Variants in GLI3 observed in about 807,000 individuals in gnomAD.
GLI3 encodes transcription activator GLI3.
Under a neutral mutation model 100.8 loss-of-function variants are expected in GLI3, and 20 were observed. The ratio of observed to expected loss-of-function variants is 0.20; its 90% CI spans 0.14 to 0.29. The LOEUF (loss-of-function observed/expected upper bound fraction) is 0.29. Ranked by LOEUF, GLI3 falls within the 10% of genes least tolerant of loss-of-function variation. GLI3 has a pLI of 1.00. For synonymous variants in GLI3, 938 were observed against 860.5 expected, an observed-to-expected ratio of 1.09 and a Z score of -1.58; for missense variants, 2,040 against 2,128.5, an observed-to-expected ratio of 0.96 and a Z score of 0.82.
intron 2 of GLI3, among the ~76,000 whole-genome samples, chr7:42,149,529 CT>C (rs1420811071): frequency 6.6e-6 from 1 of 152,200 alleles, no homozygotes; most frequent in Non-Finnish European, 1.5e-5. Flanking sequence ...TACATGAACT[CT>C]AAACTACATG....
chr7:41,999,363 T>C (rs1033038244), intron 10 of GLI3, among the ~76,000 whole-genome samples: 1 of 152,212 alleles, frequency 6.6e-6, no homozygotes, highest in Admixed American at 6.5e-5. Context: ...ATCTTCTGAA[T>C]CAGAACTCAA....
intron 10 of GLI3, among the ~76,000 whole-genome samples, chr7:42,002,990 G>A (rs1788349429): frequency 6.6e-6 from 1 of 152,190 alleles, no homozygotes; most frequent in African/African-American, 2.4e-5. Flanking sequence ...CCTAATATTA[G>A]TTTCAGAGCC....
chr7:41,966,334 G>T lies in GLI3; in HGVS notation c.2739C>A (p.Asp913Glu). Residue 913 changes from aspartate (D) to glutamate (E), a missense_variant, in exon 15 of 15, where the codon GAC becomes GAA. Transcript: ENST00000395925. The surrounding 1 kb of genome is among the most constrained non-coding windows in gnomAD (Gnocchi z 5.8). Reference protein sequence around the residue: ...SRRSSEASQSDGLPSLLSLTP... With the variant: ...SRRSSEASQSEGLPSLLSLTP... ...TGAGGCTGAGCAGGCTGGGCAGGCC[G>T]TCGCTCTGGCTGGCTTCGCTGGAGC... The T allele has an allele frequency of 6.2e-7, 1 of 1,607,654 alleles. No homozygotes were observed. Among genetic ancestry groups the T allele is most frequent in the East Asian group, 2.2e-5 (1 of 44,838 alleles).
Position 41,965,985 on chromosome 7 carries a change from A to G in GLI3, c.3088T>C (p.Cys1030Arg). ...RVPRFSSLSS[C>R]NPPAMATSAE... The stretch of plus-strand genomic sequence containing the variant: ...GACGTGGCCATCGCCGGGGGGTTGC[A>G]GCTGCTGAGGCTGCTGAAGCGCGGC... The change falls in exon 15 of 15, where the codon TGC (cysteine) becomes CGC (arginine). Residue 1030 changes from cysteine to arginine, a missense_variant. Cys to Arg is a radical substitution (Grantham distance 180). Transcript: ENST00000395925. 6.2e-7 allele frequency: 1 copy of G among 1,605,956 alleles called. No individual in the cohort carries two copies. The highest frequency in any genetic ancestry group is 1.3e-5 in the African/African-American group (1 of 75,026).
intron 10 of GLI3, among the ~76,000 whole-genome samples, chr7:42,013,815 C>T (rs1249454179): frequency 6.6e-6 from 1 of 152,150 alleles, no homozygotes; most frequent in African/African-American, 2.4e-5. Context: ...ATCCCAACGA[C>T]CCTGATAATC....
At chr7:42,135,898 C>G (rs1430175246) in intron 3 of GLI3, among the ~76,000 whole-genome samples, 1 of 152,166 alleles carries the variant, frequency 6.6e-6, no homozygotes, top group African/African-American at 2.4e-5. Flanking sequence ...TTCTCTTTCT[C>G]TCCCCCTGCC....
chr7:42,174,753 G>A (rs1009023840), intron 2 of GLI3, among the ~76,000 whole-genome samples: 6 of 152,188 alleles, frequency 3.9e-5, no homozygotes, highest in African/African-American at 1.4e-4. Context: ...CGCACAGAGG[G>A]TGACGGCACG....
upstream of GLI3, among the ~76,000 whole-genome samples, chr7:42,238,838 G>T (rs1449696538): frequency 6.6e-6 from 1 of 152,324 alleles, no homozygotes; most frequent in African/African-American, 2.4e-5. Flanking sequence ...GTTAAGCCGG[G>T]TCCACCCAGC....
rs186192284 is a variant in GLI3, at chr7:42,026,378, C to T, written c.1063G>A (p.Val355Ile). 2.4e-5 allele frequency: 38 copies of T among 1,614,064 alleles called. No individual in the cohort carries two copies. The South Asian group carries it at 3.0e-4, about 13-fold the overall frequency. ...ALSFTYSSAP[V>I]SLHMHQQILS... is the part of the protein sequence containing the mutation. ...ATCTGCTGATGCATGTGGAGAGAGA[C>T]GGGCGCGGAAGAGTAGGTGAAGCTC... The change falls in exon 8 of 15, where the codon GTC (valine) becomes ATC (isoleucine). Residue 355 changes from valine to isoleucine, a missense_variant. Val to Ile is a conservative substitution (Grantham distance 29). Coordinates refer to ENST00000395925, the MANE Select transcript of GLI3 (RefSeq NM_000168.6).
At chr7:42,166,875 G>A (rs1787254570) in intron 2 of GLI3, among the ~76,000 whole-genome samples, 1 of 151,122 alleles carries the variant, frequency 6.6e-6, no homozygotes, top group Non-Finnish European at 1.5e-5. Context: ...ACCCAGGCTG[G>A]AGTGCAATGA....
intron 1 of GLI3, among the ~76,000 whole-genome samples, chr7:42,252,183 G>GTA (rs1208360579): frequency 2.3e-5 from 1 of 42,654 alleles, no homozygotes; most frequent in Non-Finnish European, 5.4e-5. Flanking sequence ...ATGAGATCAC[G>GTA]TCTTGTGAGA....
intron 4 of GLI3, among the ~76,000 whole-genome samples, chr7:42,055,409 C>T (rs1251811902): frequency 6.6e-6 from 1 of 152,014 alleles, no homozygotes; most frequent in Admixed American, 6.6e-5. Context: ...GCTCGCCTTC[C>T]CTCCGGTTTC....
intron 1 of GLI3, among the ~76,000 whole-genome samples, chr7:42,244,409 A>G (rs1170167358): frequency 1.3e-5 from 2 of 152,262 alleles, no homozygotes; most frequent in African/African-American, 4.8e-5. Flanking sequence ...TATAGAGCAC[A>G]TTTCAGAGAC....
chr7:42,024,460 G>A (rs1175340931), intron 9 of GLI3, among the ~76,000 whole-genome samples: 5 of 152,134 alleles, frequency 3.3e-5, no homozygotes, highest in Admixed American at 1.3e-4. Context: ...CAGCCTCCAC[G>A]TTCTTGCTGA....
At chr7:42,084,235 C>T (rs1448524845) in intron 3 of GLI3, among the ~76,000 whole-genome samples, 2 of 152,182 alleles carry the variant, frequency 1.3e-5, no homozygotes, top group Non-Finnish European at 2.9e-5. Context: ...CAGATAGATC[C>T]CTTCTGTGCT....
At chr7:42,105,426 T>C (rs1432367397) in intron 3 of GLI3, among the ~76,000 whole-genome samples, 2 of 151,738 alleles carry the variant, frequency 1.3e-5, no homozygotes, top group East Asian at 3.9e-4. Context: ...AAAATTACTC[T>C]AAATAAAAGC....
chr7:42,082,534 A>G (rs958094686), intron 3 of GLI3, among the ~76,000 whole-genome samples: 1 of 151,898 alleles, frequency 6.6e-6, no homozygotes, highest in Non-Finnish European at 1.5e-5. Context: ...AAGAAGTGCT[A>G]CCCCCACAGG....
chr7:42,176,302 A>C (rs2128679222), intron 2 of GLI3, among the ~76,000 whole-genome samples: 1 of 152,236 alleles, frequency 6.6e-6, no homozygotes, highest in South Asian at 2.1e-4. Flanking sequence ...CCCCCTCCAC[A>C]GTTCTGTACA....
intron 3 of GLI3, among the ~76,000 whole-genome samples, chr7:42,146,594 G>C (rs1012797532): frequency 1.6e-4 from 25 of 152,278 alleles, no homozygotes; most frequent in African/African-American, 6.0e-4. Flanking sequence ...ATAAATATGA[G>C]ATGGGAAAAG....
Sources: allele counts gnomAD v4.1 joint callset (sites outside exome capture counted in the v4.1 genomes callset), GRCh38; gene constraint gnomAD v4.1.1; non-coding constraint Gnocchi (gnomAD v3.1); transcripts MANE v1.5; gene names NCBI Gene and HGNC (gene_info 2026-07-23, HGNC 2026-07-21).